The following COPS4 variants were observed in gnomAD, a reference collection of about 807,000 sequenced individuals.
COPS4 encodes the protein COP9 signalosome subunit 4, also known as COP9 signalosome complex subunit 4.
A neutral mutation model predicts 55.1 loss-of-function variants in COPS4; 8 were observed. That is an observed-to-expected ratio of 0.15 (90% confidence interval 0.09 to 0.26). The LOEUF (loss-of-function observed/expected upper bound fraction) is 0.26. Among genes scored for constraint, COPS4 ranks in the 10% least tolerant of loss-of-function variants. COPS4 has a pLI of 1.00. For missense variants in COPS4, 248 were observed against 484.0 expected, an observed-to-expected ratio of 0.51 and a Z score of 4.58; for synonymous variants, 185 against 165.7, an observed-to-expected ratio of 1.12 and a Z score of -0.90.
At chr4:83,035,595 A>C (rs1174385169) in intron 1 of COPS4, 1 of 272,142 alleles carries the variant, frequency 3.7e-6, no homozygotes, top group Non-Finnish European at 7.5e-6. Flanking sequence ...GACGACTGCT[A>C]CCCTGGCCTT....
chr4:83,051,135 A>G (rs1279372570), intron 4 of COPS4, among the ~76,000 whole-genome samples: 2 of 151,352 alleles, frequency 1.3e-5, no homozygotes, highest in East Asian at 3.9e-4. Flanking sequence ...ATGATGGCAC[A>G]TGCCTGTAGT....
chr4:83,065,026 A>G (rs1176528970), intron 7 of COPS4: 11 of 686,494 alleles, frequency 1.6e-5, no homozygotes, highest in Non-Finnish European at 2.1e-5. Context: ...GGCATGTGCC[A>G]CCACACCCTG....
At chr4:83,073,233 G>A (rs749496642) in intron 9 of COPS4, 3 of 680,924 alleles carry the variant, frequency 4.4e-6, no homozygotes, top group South Asian at 3.1e-5. Flanking sequence ...TCCATCTTCT[G>A]TCTCTGGATT....
chr4:83,041,750 A>G (rs1436787870), intron 1 of COPS4, among the ~76,000 whole-genome samples: 4 of 151,986 alleles, frequency 2.6e-5, no homozygotes, highest in African/African-American at 9.7e-5. Flanking sequence ...TGCAGGTGTG[A>G]GCCACTTCAC....
intron 4 of COPS4, among the ~76,000 whole-genome samples, chr4:83,055,240 A>G (rs895807804): frequency 3.3e-5 from 5 of 152,218 alleles, no homozygotes; most frequent in Non-Finnish European, 5.9e-5. Context: ...GTCTTTAGTT[A>G]TGCACTCCTG....
chr4:83,047,383 G>A (rs1003936665), intron 2 of COPS4, among the ~76,000 whole-genome samples: 3 of 151,872 alleles, frequency 2.0e-5, no homozygotes, highest in South Asian at 2.1e-4. Context: ...GAGAAATCTC[G>A]TCTCTACAAA....
intron 1 of COPS4, among the ~76,000 whole-genome samples, chr4:83,036,597 G>A (rs1287146514): frequency 3.3e-5 from 5 of 152,166 alleles, no homozygotes; most frequent in African/African-American, 9.7e-5. Context: ...GAGTATGTGT[G>A]TGCATATATA....
At chr4:83,070,093 A>AC (rs1400078906) in intron 9 of COPS4, among the ~76,000 whole-genome samples, 1 of 152,000 alleles carries the variant, frequency 6.6e-6, no homozygotes, top group African/African-American at 2.4e-5. Flanking sequence ...CCTTCACCCC[A>AC]CCACCACAGC....
intron 4 of COPS4, among the ~76,000 whole-genome samples, chr4:83,050,324 G>A (rs1730858926): frequency 6.6e-6 from 1 of 152,038 alleles, no homozygotes; most frequent in African/African-American, 2.4e-5. Context: ...TTGTGACGGA[G>A]TTTTGCTCTG....
At chr4:83,050,364 C>G (rs1272653750) in intron 4 of COPS4, among the ~76,000 whole-genome samples, 1 of 152,076 alleles carries the variant, frequency 6.6e-6, no homozygotes, top group East Asian at 1.9e-4. Flanking sequence ...GTGGCATGAT[C>G]TCGGCTCACT....
chr4:83,053,344 A>C (rs1256245272), intron 4 of COPS4, among the ~76,000 whole-genome samples: 1 of 152,214 alleles, frequency 6.6e-6, no homozygotes, highest in African/African-American at 2.4e-5. Context: ...GAGAGGGACA[A>C]GGGAGATGAG....
chr4:83,052,001 G>A (rs1420691238), intron 4 of COPS4, among the ~76,000 whole-genome samples: 1 of 152,174 alleles, frequency 6.6e-6, no homozygotes, highest in Non-Finnish European at 1.5e-5. Context: ...GGCATTGATA[G>A]GTCAAGTAAG....
intron 4 of COPS4, among the ~76,000 whole-genome samples, chr4:83,052,919 G>A (rs60386899): frequency 6.6e-6 from 1 of 152,188 alleles, no homozygotes; most frequent in Non-Finnish European, 1.5e-5. Context: ...GTTGAAATCA[G>A]AGACATCAGC....
intron 1 of COPS4, among the ~76,000 whole-genome samples, chr4:83,044,435 A>C (rs1382806241): frequency 5.6e-5 from 7 of 125,094 alleles, no homozygotes; most frequent in African/African-American, 1.9e-4. Context: ...ACAGAGCAAG[A>C]CTCCATCTCA....
intron 7 of COPS4, among the ~76,000 whole-genome samples, chr4:83,064,568 G>A (rs762532760): frequency 2.6e-5 from 4 of 152,032 alleles, no homozygotes; most frequent in Non-Finnish European, 5.9e-5. Flanking sequence ...ATTGGGAGAG[G>A]AACAGACTGA....
At chr4:83,060,898 G>C (rs1400386612) in intron 6 of COPS4, among the ~76,000 whole-genome samples, 1 of 151,688 alleles carries the variant, frequency 6.6e-6, no homozygotes, top group African/African-American at 2.4e-5. Context: ...GCCGGGCGTC[G>C]TGGCATGTGC....
chr4:83,042,270 A>G (rs910136484), intron 1 of COPS4, among the ~76,000 whole-genome samples: 1 of 152,204 alleles, frequency 6.6e-6, no homozygotes, highest in African/African-American at 2.4e-5. Context: ...AAAACTTTTT[A>G]GTATCATACA....
intron 1 of COPS4, among the ~76,000 whole-genome samples, chr4:83,040,221 TGG>T (rs1730524653): frequency 6.6e-6 from 1 of 152,244 alleles, no homozygotes; most frequent in East Asian, 1.9e-4. Flanking sequence ...TTATGGCTCC[TGG>T]TCTGTTGCTG....
intron 9 of COPS4, among the ~76,000 whole-genome samples, chr4:83,074,814 A>T (rs1395314085): frequency 2.6e-5 from 4 of 151,656 alleles, no homozygotes; most frequent in Non-Finnish European, 5.9e-5. Flanking sequence ...CCTGAGTTTT[A>T]GACTTTTAAA....
Sources: allele counts gnomAD v4.1 joint callset (sites outside exome capture counted in the v4.1 genomes callset), GRCh38; gene constraint gnomAD v4.1.1; transcripts MANE v1.5; gene names NCBI Gene and HGNC (gene_info 2026-07-23, HGNC 2026-07-21).